Variants in ACAP2 observed in about 807,000 individuals in gnomAD.
The protein encoded by ACAP2 is ArfGAP with coiled-coil, ankyrin repeat and PH domains 2, also known as arf-GAP with coiled-coil, ANK repeat and PH domain-containing protein 2.
Under a neutral mutation model 115.8 loss-of-function variants are expected in ACAP2, and 39 were observed. The ratio of observed to expected loss-of-function variants is 0.34; its 90% CI spans 0.26 to 0.44. The LOEUF (loss-of-function observed/expected upper bound fraction) is 0.44. ACAP2 is among the 20% of genes least tolerant of loss of function. The pLI is 1.00. For synonymous variants in ACAP2, 289 were observed against 315.8 expected (o/e 0.92, Z 0.90); for missense variants, 662 against 927.6 (o/e 0.71, Z 3.72).
At chr3:195,326,789 C>G (rs1729825360) in intron 9 of ACAP2, 96 bp downstream of exon 9, 1 of 1,065,810 alleles carries the variant, frequency 9.4e-7, no homozygotes, top group Admixed American at 2.2e-5. Flanking sequence ...TAGAACAACT[C>G]AAAAGATTTG....
At chr3:195,295,683 GAC>G (rs1207325965) in intron 17 of ACAP2, 23 bp downstream of exon 17, 4 of 1,613,160 alleles carry the variant, frequency 2.5e-6, no homozygotes, top group Non-Finnish European at 3.4e-6. Context: ...AATAGCTATA[GAC>G]ACAGTAAGAA....
intron 17 of ACAP2, chr3:195,295,165 A>C: frequency 1.6e-6 from 2 of 1,218,532 alleles, no homozygotes; most frequent in Non-Finnish European, 2.2e-6. Flanking sequence ...ACTGGCACAG[A>C]CTTGGAATGC....
At chr3:195,354,461 T>G (rs1355868632) in intron 4 of ACAP2, among the ~76,000 whole-genome samples, 1 of 152,266 alleles carries the variant, frequency 6.6e-6, no homozygotes, top group Non-Finnish European at 1.5e-5. Flanking sequence ...TATATGAGTG[T>G]TAGCCACATG....
intron 8 of ACAP2, 83 bp from the exon 9 acceptor site, chr3:195,327,042 G>T: frequency 8.1e-7 from 1 of 1,227,040 alleles, no homozygotes; most frequent in Non-Finnish European, 1.1e-6. Flanking sequence ...TCATTTCACA[G>T]ATAAATAAAA....
intron 6 of ACAP2, among the ~76,000 whole-genome samples, chr3:195,338,364 A>G (rs1730652575): frequency 6.6e-6 from 1 of 152,068 alleles, no homozygotes. Flanking sequence ...ATCAGATCTC[A>G]CTGCAGCCTC....
intron 20 of ACAP2, among the ~76,000 whole-genome samples, 176 bp downstream of exon 20, chr3:195,291,530 A>T (rs980905130): frequency 3.3e-5 from 5 of 152,246 alleles, no homozygotes; most frequent in Non-Finnish European, 7.3e-5. Context: ...AACCAATAGT[A>T]GCTTTTTCTG....
intron 1 of ACAP2, among the ~76,000 whole-genome samples, chr3:195,409,569 G>A (rs2108807530): frequency 2.0e-5 from 3 of 152,182 alleles, no homozygotes; most frequent in Admixed American, 2.0e-4. Context: ...TCACAATGAT[G>A]TTTTTTGTAG....
At chr3:195,436,042 T>C (rs992410705) in intron 1 of ACAP2, among the ~76,000 whole-genome samples, 3 of 151,952 alleles carry the variant, frequency 2.0e-5, no homozygotes, top group African/African-American at 2.4e-5. Context: ...TATATATTTA[T>C]AGTCATTATG....
chr3:195,294,019 G>C (rs898405061), intron 18 of ACAP2, among the ~76,000 whole-genome samples: 2 of 151,370 alleles, frequency 1.3e-5, no homozygotes, highest in African/African-American at 4.9e-5. Flanking sequence ...GGCATCTGTA[G>C]TCCCAGCTAC....
chr3:195,327,400 C>T (rs1295243395), intron 8 of ACAP2, among the ~76,000 whole-genome samples: 1 of 152,180 alleles, frequency 6.6e-6, no homozygotes, highest in Non-Finnish European at 1.5e-5. Flanking sequence ...AACCAGCTAA[C>T]CTAGCTCTCA....
At chr3:195,280,572 T>A in intron 22 of ACAP2, among the ~76,000 whole-genome samples, 1 of 152,340 alleles carries the variant, frequency 6.6e-6, no homozygotes, top group Non-Finnish European at 1.5e-5. Context: ...AAGAATGCTA[T>A]GACAAAATGC....
chr3:195,319,377 A>G (rs1238884240), intron 10 of ACAP2, among the ~76,000 whole-genome samples: 5 of 152,192 alleles, frequency 3.3e-5, no homozygotes, highest in South Asian at 2.1e-4. Context: ...AGACCCCAGA[A>G]GGGTAGATCC....
chr3:195,292,283 A>C lies in ACAP2; in HGVS notation c.1935T>G (p.Leu645=). 6.3e-7 allele frequency: 1 copy of C among 1,595,212 alleles called. No individual in the cohort carries two copies. Among genetic ancestry groups the C allele is most frequent in the Non-Finnish European group, 8.5e-7 (1 of 1,175,358 alleles). Residue 645 remains leucine (L), a synonymous_variant, in exon 19 of 23, where the codon CTT becomes CTG. Transcript: ENST00000326793. ...ANSEENKATP[L]IQAVLGGSLV... is the part of the protein sequence containing the mutation. Reference sequence around the variant, plus strand: ...CGCATACCCCTAATACAGCCTGAATAAGTGGTGTCGCTTTGTTTTCCTCTG... The same window carrying C: ...CGCATACCCCTAATACAGCCTGAATCAGTGGTGTCGCTTTGTTTTCCTCTG...
intron 2 of ACAP2, among the ~76,000 whole-genome samples, chr3:195,384,141 T>C (rs749717487): frequency 5.9e-5 from 9 of 152,210 alleles, no homozygotes; most frequent in Non-Finnish European, 1.2e-4. Context: ...TCTACAACTA[T>C]ATTTTACAGA....
At chr3:195,335,311 T>C (rs1165860889) in intron 7 of ACAP2, among the ~76,000 whole-genome samples, 4 of 152,154 alleles carry the variant, frequency 2.6e-5, no homozygotes, top group Admixed American at 2.0e-4. Flanking sequence ...ATTCAGGTGG[T>C]AGAATTCTAC....
chr3:195,378,064 GAGGGAGGGAGGA>G (rs1486965920), intron 4 of ACAP2, among the ~76,000 whole-genome samples: 6 of 148,056 alleles, frequency 4.1e-5, no homozygotes, highest in South Asian at 4.3e-4. Context: ...AAGAGGGAGG[GAGGGAGGGAGGA>G]AGGGAGGAAG....
chr3:195,308,028 A>G (rs986715888), intron 11 of ACAP2, among the ~76,000 whole-genome samples: 2 of 152,156 alleles, frequency 1.3e-5, no homozygotes, highest in African/African-American at 4.8e-5. Context: ...TTTTGTTTCT[A>G]GTTATTTTAA....
intron 1 of ACAP2, among the ~76,000 whole-genome samples, chr3:195,396,133 C>T (rs1220483423): frequency 6.6e-6 from 1 of 151,948 alleles, no homozygotes; most frequent in African/African-American, 2.4e-5. Context: ...CACCTGTAAT[C>T]CCAGCTACTA....
chr3:195,368,180 C>T (rs1273241649), intron 4 of ACAP2, among the ~76,000 whole-genome samples: 1 of 152,170 alleles, frequency 6.6e-6, no homozygotes, highest in Non-Finnish European at 1.5e-5. Flanking sequence ...GACCAAGTCT[C>T]TCTCTGTCAC....
Sources: allele counts gnomAD v4.1 joint callset (sites outside exome capture counted in the v4.1 genomes callset), GRCh38; gene constraint gnomAD v4.1.1; transcripts MANE v1.5; gene names NCBI Gene and HGNC (gene_info 2026-07-23, HGNC 2026-07-21).